Variants in NKAIN3 observed in about 807,000 individuals in gnomAD.
NKAIN3 encodes sodium/potassium transporting ATPase interacting 3.
In NKAIN3, 25 loss-of-function variants were observed where a neutral mutation model predicts 30.2. The observed-to-expected ratio is 0.83, with a 90% confidence interval of 0.60 to 1.16. The LOEUF is 1.16. Among genes scored for constraint, NKAIN3 ranks in the 50% most tolerant of loss-of-function variants. NKAIN3 has a pLI of 0.00. For missense variants in NKAIN3, 225 were observed against 254.1 expected (o/e 0.89, Z 0.78); for synonymous variants, 91 against 89.6 (o/e 1.02, Z -0.09).
chr8:62,863,688 A>C (rs990026869), intron 4 of NKAIN3: 42 of 1,443,344 alleles, frequency 2.9e-5, no homozygotes, highest in Non-Finnish European at 3.8e-5. Flanking sequence ...ATTTCATCCA[A>C]GGCTGTGTCT....
chr8:62,877,657 A>AT (rs1267769391), intron 4 of NKAIN3, among the ~76,000 whole-genome samples: 2 of 152,178 alleles, frequency 1.3e-5, no homozygotes, highest in African/African-American at 2.4e-5. Flanking sequence ...TGATATTTTT[A>AT]TTTTCACAAC....
At chr8:62,270,857 T>C (rs530762147) in intron 1 of NKAIN3, among the ~76,000 whole-genome samples, 1 of 152,288 alleles carries the variant, frequency 6.6e-6, no homozygotes, top group South Asian at 2.1e-4. Context: ...CATAATGCCT[T>C]CCAGTGAAAA....
chr8:62,950,067 C>T (rs1271423401), intron 5 of NKAIN3, among the ~76,000 whole-genome samples: 1 of 152,128 alleles, frequency 6.6e-6, no homozygotes, highest in Non-Finnish European at 1.5e-5. Flanking sequence ...TTTAAAAATG[C>T]AGTTGCTTTA....
chr8:62,806,051 A>G (rs139185238), intron 4 of NKAIN3, among the ~76,000 whole-genome samples: 1,944 of 152,348 alleles, frequency 0.013, 36 homozygotes, highest in African/African-American at 0.042. Flanking sequence ...ACACATGAAA[A>G]AATGCTCACC....
chr8:62,679,233 C>T (rs550421891), intron 3 of NKAIN3, among the ~76,000 whole-genome samples: 3 of 152,242 alleles, frequency 2.0e-5, no homozygotes, highest in African/African-American at 7.2e-5. Flanking sequence ...AAAATGGGAA[C>T]CTTGGAAACT....
chr8:62,430,922 A>G (rs953643904), intron 1 of NKAIN3, among the ~76,000 whole-genome samples: 24 of 151,910 alleles, frequency 1.6e-4, no homozygotes, highest in African/African-American at 5.3e-4. Flanking sequence ...AGCTTCTTTT[A>G]GACCCTGAAA....
chr8:62,563,672 G>A lies in NKAIN3; in HGVS notation c.55-15867G>A, dbSNP rs181020016. Among the ~76,000 whole-genome samples the A allele has an allele frequency of 5.3e-3, 807 of 152,188 alleles. 6 individuals carry two copies. Among genetic ancestry groups the A allele is most frequent in the African/African-American group, 0.017 (711 of 41,526 alleles). On this transcript the variant is annotated intron_variant, in intron 1 of 6. Coordinates refer to ENST00000623646, the MANE Select transcript of NKAIN3 (RefSeq NM_001304533.3). ...TCTTTATATTTAGTTAAGCTAACTG[G>A]GTTGATATAAGAGAAGCAGTGATTA...
At chr8:62,726,504 A>G (rs1815263452) in intron 3 of NKAIN3, among the ~76,000 whole-genome samples, 1 of 152,032 alleles carries the variant, frequency 6.6e-6, no homozygotes, top group African/African-American at 2.4e-5. Flanking sequence ...CTTATCATGG[A>G]AGGATGTAGA....
At chr8:62,665,167 T>G (rs1813060138) in intron 3 of NKAIN3, among the ~76,000 whole-genome samples, 1 of 152,162 alleles carries the variant, frequency 6.6e-6, no homozygotes, top group Non-Finnish European at 1.5e-5. Flanking sequence ...ATACACATAA[T>G]AGGTTTAAGA....
intron 1 of NKAIN3, among the ~76,000 whole-genome samples, chr8:62,317,227 A>C (rs1382082108): frequency 1.3e-5 from 2 of 152,090 alleles, no homozygotes; most frequent in African/African-American, 4.8e-5. Flanking sequence ...TGTAGGTTGC[A>C]TGTTCACTCT....
chr8:62,662,173 A>T (rs1200270955), intron 3 of NKAIN3, among the ~76,000 whole-genome samples: 3 of 152,214 alleles, frequency 2.0e-5, no homozygotes, highest in African/African-American at 7.2e-5. Flanking sequence ...GAGCCCAGGC[A>T]GGCTGAGGAG....
At chr8:62,439,216 A>T (rs192718923) in intron 1 of NKAIN3, among the ~76,000 whole-genome samples, 1 of 152,314 alleles carries the variant, frequency 6.6e-6, no homozygotes, top group African/African-American at 2.4e-5. Flanking sequence ...GAGATGAACA[A>T]GGGTATGAGC....
At chr8:62,914,416 T>A (rs1430423193) in intron 4 of NKAIN3, among the ~76,000 whole-genome samples, 1 of 152,164 alleles carries the variant, frequency 6.6e-6, no homozygotes. Flanking sequence ...ACCTGCGTGA[T>A]GAAATAATCT....
At chr8:62,785,780 C>G (rs577720687) in intron 4 of NKAIN3, among the ~76,000 whole-genome samples, 8 of 152,212 alleles carry the variant, frequency 5.3e-5, no homozygotes, top group Admixed American at 2.0e-4. Context: ...CAATACATCA[C>G]TCCTCTATTT....
chr8:62,352,889 A>G (rs1816226894), intron 1 of NKAIN3, among the ~76,000 whole-genome samples: 1 of 152,182 alleles, frequency 6.6e-6, no homozygotes, highest in African/African-American at 2.4e-5. Context: ...CCACATTAGT[A>G]TTTTGGAGTG....
chr8:62,364,837 A>AAAAAAAAAAAAC, intron 1 of NKAIN3, among the ~76,000 whole-genome samples: 1 of 150,630 alleles, frequency 6.6e-6, no homozygotes, highest in African/African-American at 2.4e-5. Flanking sequence ...ACAAAAAAAA[A>AAAAAAAAAAAAC]AAAAAAAAAA....
intron 4 of NKAIN3, among the ~76,000 whole-genome samples, chr8:62,884,212 G>T (rs576724119): frequency 8.6e-5 from 13 of 152,022 alleles, no homozygotes; most frequent in African/African-American, 2.9e-4. Flanking sequence ...CCTAAAACGA[G>T]TTAGATCACA....
chr8:62,955,891 A>T (rs1228589970), intron 6 of NKAIN3, among the ~76,000 whole-genome samples: 2 of 152,250 alleles, frequency 1.3e-5, no homozygotes, highest in Non-Finnish European at 2.9e-5. Flanking sequence ...CTAGCAGTGG[A>T]TAGCTGAATA....
intron 1 of NKAIN3, among the ~76,000 whole-genome samples, chr8:62,302,016 G>A (rs1814065583): frequency 1.3e-5 from 2 of 152,050 alleles, no homozygotes; most frequent in African/African-American, 4.8e-5. Context: ...TAGCCTGAAT[G>A]CCATCCTTTA....
Sources: allele counts gnomAD v4.1 joint callset (sites outside exome capture counted in the v4.1 genomes callset), GRCh38; gene constraint gnomAD v4.1.1; transcripts MANE v1.5; gene names NCBI Gene and HGNC (gene_info 2026-07-23, HGNC 2026-07-21).